Variants in SNX29 observed in about 807,000 individuals in gnomAD.
The protein encoded by SNX29 is sorting nexin 29.
A neutral mutation model predicts 102.1 loss-of-function variants in SNX29; 78 were observed. The ratio of observed to expected loss-of-function variants is 0.76; its 90% confidence interval spans 0.64 to 0.92. SNX29 has a LOEUF of 0.92. Among genes scored for constraint, SNX29 ranks in the 40% least tolerant of loss-of-function variants. The pLI, the probability that SNX29 is intolerant of heterozygous loss-of-function variation, is 0.00. For synonymous variants in SNX29, 580 were observed against 414.5 expected (o/e 1.40, Z -4.85); for missense variants, 1,280 against 1,061.7 (o/e 1.21, Z -2.86).
At chr16:11,999,232 G>A in intron 1 of SNX29, 65 bp from the exon 2 acceptor site, 2 of 1,462,198 alleles carry the variant, frequency 1.4e-6, no homozygotes, top group South Asian at 2.3e-5. Flanking sequence ...GGAAAGGACT[G>A]ATCTAGTTGG....
chr16:12,345,157 T>C (rs529393044), intron 15 of SNX29, among the ~76,000 whole-genome samples: 17 of 152,310 alleles, frequency 1.1e-4, no homozygotes, highest in African/African-American at 4.1e-4. Flanking sequence ...TTGGGTAAGA[T>C]CCTGTGCTCT....
intron 20 of SNX29, among the ~76,000 whole-genome samples, chr16:12,554,464 G>C (rs534368750): frequency 6.6e-6 from 1 of 152,326 alleles, no homozygotes; most frequent in South Asian, 2.1e-4. Context: ...AGGTCCATGG[G>C]TCCTGCACAT....
At chr16:12,263,138 T>TC (rs1384876992) in intron 14 of SNX29, among the ~76,000 whole-genome samples, 5 of 151,648 alleles carry the variant, frequency 3.3e-5, no homozygotes, top group African/African-American at 1.2e-4. Flanking sequence ...CCACCTTTTT[T>TC]TTTTTTTTTT....
intron 16 of SNX29, among the ~76,000 whole-genome samples, chr16:12,365,627 T>G (rs577402327): frequency 4.1e-5 from 6 of 147,674 alleles, no homozygotes; most frequent in Non-Finnish European, 3.0e-5. Context: ...GTGGCGGAGG[T>G]TGCAATTGAG....
At position 12,552,677 on chromosome 16, in the gene SNX29, G is replaced by A. The variant is rs138851447; in HGVS notation, c.2319-15829G>A. On this transcript the variant is annotated intron_variant, in intron 20 of 20. Coordinates refer to ENST00000566228, the MANE Select transcript of SNX29 (RefSeq NM_032167.5). ...ATGGGAGACCCAGGCCATGCAGGGCGTTTACAAGGGTCGGGGGAAGATTTA... is the reference window on the plus strand; with the variant it reads ...ATGGGAGACCCAGGCCATGCAGGGCATTTACAAGGGTCGGGGGAAGATTTA... Among the ~76,000 whole-genome samples, 844 of 152,328 alleles carry A rather than the reference G, an allele frequency of 5.5e-3. 7 individuals carry two copies. The highest frequency in any genetic ancestry group is 0.015 in the African/African-American group (634 of 41,572).
intron 18 of SNX29, among the ~76,000 whole-genome samples, chr16:12,438,101 C>T (rs1013671714): frequency 1.3e-5 from 2 of 152,126 alleles, no homozygotes; most frequent in African/African-American, 2.4e-5. Flanking sequence ...CTCAGAGATT[C>T]ACCTCTTGGC....
intron 15 of SNX29, among the ~76,000 whole-genome samples, chr16:12,286,344 ATTTT>A (rs569920963): frequency 1.6e-5 from 2 of 128,914 alleles, no homozygotes; most frequent in Non-Finnish European, 3.4e-5. Flanking sequence ...ACCTCCAAGG[ATTTT>A]TTTTTTTTTT....
At chr16:12,524,416 C>T (rs760238917) in intron 19 of SNX29, among the ~76,000 whole-genome samples, 1 of 151,880 alleles carries the variant, frequency 6.6e-6, no homozygotes, top group African/African-American at 2.4e-5. Flanking sequence ...GCACCACATT[C>T]GGCACATTTT....
At chr16:12,054,660 G>C (rs889975778) in intron 8 of SNX29, among the ~76,000 whole-genome samples, 5 of 152,180 alleles carry the variant, frequency 3.3e-5, no homozygotes, top group Non-Finnish European at 5.9e-5. Context: ...CAGCTTTCCT[G>C]GGTCTTCAGC....
At chr16:12,511,768 TC>T (rs771438381) in intron 19 of SNX29, among the ~76,000 whole-genome samples, 2 of 151,880 alleles carry the variant, frequency 1.3e-5, no homozygotes, top group African/African-American at 4.8e-5. Context: ...TGATCTGTCA[TC>T]CCCCCTCCCC....
At chr16:12,475,681 G>A (rs1567602268) in intron 18 of SNX29, among the ~76,000 whole-genome samples, 2 of 152,220 alleles carry the variant, frequency 1.3e-5, no homozygotes, top group Non-Finnish European at 1.5e-5. Context: ...CTATAATAAA[G>A]TGTTGAACAG....
intron 16 of SNX29, among the ~76,000 whole-genome samples, chr16:12,364,236 TC>T (rs2082393411): frequency 6.9e-6 from 1 of 144,852 alleles, no homozygotes; most frequent in Non-Finnish European, 1.5e-5. Flanking sequence ...AGGCAGGCTC[TC>T]ACTATATTGC....
At chr16:12,248,955 G>C (rs181736688) in intron 14 of SNX29, among the ~76,000 whole-genome samples, 1 of 152,278 alleles carries the variant, frequency 6.6e-6, no homozygotes, top group East Asian at 1.9e-4. Context: ...AGTAATGTTT[G>C]TTGCTTGCAT....
intron 15 of SNX29, among the ~76,000 whole-genome samples, chr16:12,326,261 G>A (rs753681270): frequency 2.0e-4 from 30 of 151,762 alleles, no homozygotes; most frequent in Admixed American, 1.8e-3. Flanking sequence ...TGATCTGCCC[G>A]CCTTGGCCCC....
chr16:12,299,899 C>G (rs997603347), intron 15 of SNX29, among the ~76,000 whole-genome samples: 1 of 150,398 alleles, frequency 6.6e-6, no homozygotes, highest in Non-Finnish European at 1.5e-5. Flanking sequence ...GAGATCGAGT[C>G]TTGCTCTGTC....
chr16:12,293,932 C>T lies in SNX29; in HGVS notation c.1782+15896C>T, dbSNP rs76961157. The stretch of plus-strand genomic sequence containing the variant: ...TGATCCTTATAGCTACTCTGTGTGG[C>T]GGTATTACTCTCATCCTCGCTATAC... On this transcript the variant is annotated intron_variant, in intron 15 of 20. Coordinates refer to ENST00000566228, the MANE Select transcript of SNX29 (RefSeq NM_032167.5). Among the ~76,000 whole-genome samples the T allele has an allele frequency of 3.3e-5, 5 of 152,262 alleles. No homozygotes were observed. In the East Asian group the frequency reaches 9.6e-4, roughly 29 times the overall value.
chr16:11,979,290 A>AAAT (rs1367620528), intron 1 of SNX29, among the ~76,000 whole-genome samples: 2 of 151,500 alleles, frequency 1.3e-5, no homozygotes, highest in African/African-American at 4.8e-5. Flanking sequence ...AAAAAAAAAA[A>AAAT]AAAAAAAAAT....
At chr16:12,488,243 C>G (rs770366978) in intron 19 of SNX29, among the ~76,000 whole-genome samples, 14 of 152,018 alleles carry the variant, frequency 9.2e-5, no homozygotes, top group Non-Finnish European at 1.6e-4. Context: ...GTATAGCACA[C>G]AGAGAAGCTG....
intron 7 of SNX29, 111 bp downstream of exon 7, chr16:12,048,731 A>C: frequency 6.4e-7 from 1 of 1,562,360 alleles, no homozygotes; most frequent in South Asian, 1.1e-5. Context: ...AGTCCAGTGC[A>C]CTTGCGTTTT....
Sources: allele counts gnomAD v4.1 joint callset (sites outside exome capture counted in the v4.1 genomes callset), GRCh38; gene constraint gnomAD v4.1.1; transcripts MANE v1.5; gene names NCBI Gene and HGNC (gene_info 2026-07-23, HGNC 2026-07-21).